The following CEP290 variants were observed in gnomAD, a reference collection of about 807,000 sequenced individuals.
The protein encoded by CEP290 is centrosomal protein 290, also known as centrosomal protein of 290 kDa.
Under a neutral mutation model 344.9 loss-of-function variants are expected in CEP290, and 317 were observed. The observed-to-expected ratio is 0.92, with a 90% CI of 0.84 to 1.01. The LOEUF (loss-of-function observed/expected upper bound fraction) is 1.01. Ranked by LOEUF, CEP290 falls within the 50% of genes least tolerant of loss-of-function variation. The pLI is 0.00. For synonymous variants in CEP290, 932 were observed against 895.8 expected, an observed-to-expected ratio of 1.04 and a Z score of -0.72; for missense variants, 2,754 against 2,761.4, an observed-to-expected ratio of 1.00 and a Z score of 0.06.
intron 12 of CEP290, 89 bp from the exon 13 acceptor site, chr12:88,125,458 A>T (rs968336508): frequency 1.8e-6 from 1 of 566,414 alleles, no homozygotes. Flanking sequence ...TTTTTCAACA[A>T]GACTGTAGAA....
At chr12:88,138,440 A>C (rs2040460143) in intron 5 of CEP290, among the ~76,000 whole-genome samples, 1 of 152,192 alleles carries the variant, frequency 6.6e-6, no homozygotes, top group South Asian at 2.1e-4. Context: ...AAGTTCAGAG[A>C]GTTAACGAGT....
chr12:88,132,345 A>T (rs998641632), intron 6 of CEP290, among the ~76,000 whole-genome samples: 1 of 152,176 alleles, frequency 6.6e-6, no homozygotes, highest in African/African-American at 2.4e-5. Context: ...TAAAGAACCA[A>T]ATGTAGTATG....
Position 88,071,409 on chromosome 12 carries a change from T to C in CEP290, c.5896A>G (p.Thr1966Ala), listed in dbSNP as rs780570235. Residue 1966 changes from threonine (T) to alanine (A), a missense_variant, in exon 43 of 54, where the codon ACA becomes GCA. Thr to Ala is a moderately conservative substitution (Grantham distance 58). Transcript: ENST00000552810. ...ACCTGATCAACAGTCATGCCAGTTG[T>C]TTTTAGTTTCCTCTGCAAAGTAAGT... is the stretch of plus-strand genomic sequence containing the variant. ...EKLTLQRKLK[T>A]TGMTVDQVLG... 6.2e-5 allele frequency: 100 copies of C among 1,610,958 alleles called. No homozygotes were observed. In the Admixed American group the frequency reaches 1.6e-3, roughly 26 times the overall value.
At chr12:88,071,222 T>C in intron 43 of CEP290, 72 bp downstream of exon 43, 1 of 1,215,722 alleles carries the variant, frequency 8.2e-7, no homozygotes, top group South Asian at 1.4e-5. Flanking sequence ...AACACACATT[T>C]ATTATTTCAA....
intron 12 of CEP290, 59 bp from the exon 13 acceptor site, chr12:88,125,428 G>T: frequency 1.1e-6 from 1 of 912,354 alleles, no homozygotes; most frequent in Non-Finnish European, 1.5e-6. Flanking sequence ...AAAAAGGTAA[G>T]GAAAAAAGTA....
chr12:88,049,284 T>G lies in CEP290; in HGVS notation c.7340A>C (p.Lys2447Thr), dbSNP rs201382524. Residue 2447 changes from lysine to threonine, a missense_variant, in exon 54 of 54, where the codon AAA becomes ACA. Coordinates refer to ENST00000552810, the MANE Select transcript of CEP290 (RefSeq NM_025114.4). ...KNILLEEKVKKLSEQLGVELT... is the reference protein window; with the variant it reads ...KNILLEEKVKTLSEQLGVELT... ...TTCAACTCCCAATTGTTCTGAAAGTTTTTTTACCTTCTCTTCTAAGAGAAT... is the reference window on the plus strand; with the variant it reads ...TTCAACTCCCAATTGTTCTGAAAGTGTTTTTACCTTCTCTTCTAAGAGAAT... 1.3e-4 allele frequency: 213 copies of G among 1,608,644 alleles called. 1 individual carries two copies. The highest frequency in any genetic ancestry group is 1.7e-4 in the Non-Finnish European group (205 of 1,177,014).
intron 44 of CEP290, among the ~76,000 whole-genome samples, chr12:88,065,918 C>T (rs1024790750): frequency 3.3e-5 from 5 of 152,100 alleles, no homozygotes; most frequent in African/African-American, 7.2e-5. Flanking sequence ...TCTTGTATAA[C>T]GAACTTCACG....
rs886038691 is a variant in CEP290, at chr12:88,114,403, T to C, written c.2052+17A>G. 4.6e-6 allele frequency: 7 copies of C among 1,532,282 alleles called. No individual in the cohort carries two copies. Among genetic ancestry groups the C allele is most frequent in the South Asian group, 2.5e-5 (2 of 80,582 alleles). The allele number at this position is 1,532,282 out of a possible 1,614,324, so 94.9% of individuals were successfully genotyped here. A position where few individuals can be genotyped will look rare whatever the true frequency, so the allele number is the denominator to read the frequency against. The stretch of plus-strand genomic sequence containing the variant: ...AAGTGATAGGGGAAAAACATTAACA[T>C]GAAAAAAATAACTTACATTAACTAG... On this transcript the variant is annotated intron_variant, in intron 20 of 53. Coordinates refer to ENST00000552810, the MANE Select transcript of CEP290 (RefSeq NM_025114.4).
intron 6 of CEP290, among the ~76,000 whole-genome samples, chr12:88,133,252 GTT>G (rs2040182503): frequency 6.6e-6 from 1 of 151,504 alleles, no homozygotes; most frequent in South Asian, 2.1e-4. Context: ...ATTTTTGTTT[GTT>G]TTGTTTTGTT....
intron 20 of CEP290, 82 bp from the exon 21 acceptor site, chr12:88,111,940 T>TG: frequency 9.9e-7 from 1 of 1,012,482 alleles, no homozygotes; most frequent in Non-Finnish European, 1.4e-6. Flanking sequence ...TTAAATAAAA[T>TG]GGACATTTAA....
chr12:88,111,574 T>C (rs2038693002), intron 21 of CEP290, 120 bp downstream of exon 21: 6 of 895,730 alleles, frequency 6.7e-6, no homozygotes, highest in Non-Finnish European at 9.6e-6. Context: ...TTTCTTAATA[T>C]TGAAAGAATT....
intron 27 of CEP290, among the ~76,000 whole-genome samples, chr12:88,095,915 ATC>A (rs1200304466): frequency 1.3e-5 from 2 of 152,244 alleles, no homozygotes; most frequent in Non-Finnish European, 2.9e-5. Context: ...AGACAGTAAT[ATC>A]TCTGTTAGAT....
chr12:88,060,754 G>A, intron 47 of CEP290, 76 bp downstream of exon 47: 1 of 1,065,390 alleles, frequency 9.4e-7, no homozygotes, highest in South Asian at 1.6e-5. Context: ...ATAGTAATGA[G>A]CATATTTGAA....
chr12:88,098,071 C>T (rs143933872), intron 26 of CEP290, among the ~76,000 whole-genome samples: 2,510 of 152,078 alleles, frequency 0.017, 31 homozygotes, highest in Non-Finnish European at 0.026. Context: ...CTTTGGGAGG[C>T]TGAGGTGGGT....
chr12:88,124,070 A>G (rs919595487), intron 13 of CEP290, among the ~76,000 whole-genome samples: 2 of 152,096 alleles, frequency 1.3e-5, no homozygotes, highest in African/African-American at 4.8e-5. Context: ...TAGTCTTCTA[A>G]CAGGTCTCCC....
chr12:88,070,698 G>T (rs1374513813), intron 43 of CEP290, among the ~76,000 whole-genome samples: 1 of 152,032 alleles, frequency 6.6e-6, no homozygotes, highest in East Asian at 1.9e-4. Flanking sequence ...TGCAATTCCT[G>T]AAGTACATGG....
Position 88,050,396 on chromosome 12 carries a change from C to T in CEP290, c.7167G>A (p.Glu2389=). ...CTAGATCTGACATTTTGAGCTGTGT[C>T]TCTAGATCTTTTATTTTTTCCTTTA... ...DQLKEKIKDL[E]TQLKMSDLEK... is the part of the protein sequence containing the mutation. The change falls in exon 53 of 54, where the codon GAG becomes GAA. Residue 2389 remains glutamate (E), a synonymous_variant. Transcript: ENST00000552810. 1 of 1,563,676 alleles carries T rather than the reference C, an allele frequency of 6.4e-7. No individual in the cohort carries two copies. The highest frequency in any genetic ancestry group is 1.8e-5 in the Admixed American group (1 of 56,882).
chr12:88,111,216 T>C lies in CEP290; in HGVS notation c.2353A>G (p.Ile785Val). 1 of 1,402,930 alleles carries C rather than the reference T, an allele frequency of 7.1e-7. No individual in the cohort carries two copies. The highest frequency in any genetic ancestry group is 9.3e-7 in the Non-Finnish European group (1 of 1,074,726). 86.9% of individuals were successfully genotyped at this position (1,402,930 alleles called of 1,614,324 possible). ...SIINSQNEYLIHLLQELENKE... is the reference protein window; with the variant it reads ...SIINSQNEYLVHLLQELENKE... ...ATTTTCAATACCTGTAACAAATGTATTAAATATTCATTCTGAGAATTAATG... is the reference window on the plus strand; with the variant it reads ...ATTTTCAATACCTGTAACAAATGTACTAAATATTCATTCTGAGAATTAATG... Residue 785 changes from isoleucine (I) to valine (V), a missense_variant, in exon 22 of 54, where the codon ATA (isoleucine) becomes GTA (valine). Ile to Val is a conservative substitution (Grantham distance 29, BLOSUM62 3). Coordinates refer to ENST00000552810, the MANE Select transcript of CEP290 (RefSeq NM_025114.4).
intron 46 of CEP290, among the ~76,000 whole-genome samples, chr12:88,062,130 A>G (rs1184567805): frequency 4.6e-5 from 7 of 152,154 alleles, no homozygotes; most frequent in Admixed American, 2.6e-4. Flanking sequence ...AATCCATCAT[A>G]TATTTAATAT....
Sources: gnomAD v4.1 joint callset for allele counts (sites outside exome capture counted in the v4.1 genomes callset) on GRCh38, gnomAD v4.1.1 for gene constraint, MANE v1.5 for transcripts, NCBI Gene and HGNC (gene_info 2026-07-23, HGNC 2026-07-21) for gene names.